The following PRKG1 variants were observed in gnomAD, a reference collection of about 807,000 sequenced individuals.
PRKG1 encodes the protein protein kinase cGMP-dependent 1.
PRKG1 carries 35 observed loss-of-function variants against 88.1 expected under a neutral mutation model. The ratio of observed to expected loss-of-function variants is 0.40; its 90% CI spans 0.30 to 0.53. The LOEUF (loss-of-function observed/expected upper bound fraction) is 0.53, where lower values mean the gene tolerates loss of function less well. Ranked by LOEUF, PRKG1 falls within the 20% of genes least tolerant of loss-of-function variation. PRKG1 has a pLI of 0.59. For missense variants in PRKG1, 540 were observed against 839.8 expected (o/e 0.64, Z 4.41); for synonymous variants, 303 against 292.5 (o/e 1.04, Z -0.37).
chr10:51,118,293 A>C (rs144213033), intron 1 of PRKG1, among the ~76,000 whole-genome samples: 140 of 152,336 alleles, frequency 9.2e-4, no homozygotes, highest in African/African-American at 3.2e-3. Flanking sequence ...CTTCCTGTGC[A>C]AAAGCAGATT....
intron 1 of PRKG1, among the ~76,000 whole-genome samples, chr10:51,086,125 A>G (rs1417782103): frequency 2.0e-5 from 3 of 152,236 alleles, no homozygotes; most frequent in Non-Finnish European, 2.9e-5. Flanking sequence ...TGTAGCACTG[A>G]ATGGCATACA....
chr10:52,001,960 A>T (rs563025892), intron 5 of PRKG1, among the ~76,000 whole-genome samples: 35 of 152,176 alleles, frequency 2.3e-4, no homozygotes, highest in Middle Eastern at 3.4e-3. Flanking sequence ...TTGGTATGGA[A>T]AAAAGAACAG....
At chr10:51,513,049 T>C (rs1242122624) in intron 3 of PRKG1, among the ~76,000 whole-genome samples, 1 of 151,454 alleles carries the variant, frequency 6.6e-6, no homozygotes, top group African/African-American at 2.4e-5. Context: ...GTTGTTTGTT[T>C]TTTTCTTGTA....
intron 3 of PRKG1, among the ~76,000 whole-genome samples, chr10:51,687,118 A>G (rs1841015171): frequency 6.6e-6 from 1 of 152,244 alleles, no homozygotes; most frequent in Non-Finnish European, 1.5e-5. Flanking sequence ...AAATGTTTTG[A>G]GTTCACTCAT....
At chr10:51,897,996 A>T (rs894775888) in intron 4 of PRKG1, among the ~76,000 whole-genome samples, 1 of 151,548 alleles carries the variant, frequency 6.6e-6, no homozygotes, top group Non-Finnish European at 1.5e-5. Context: ...ACCTGACCCC[A>T]CCCTTACCTC....
intron 9 of PRKG1, among the ~76,000 whole-genome samples, chr10:52,234,268 C>T (rs1840616000): frequency 6.6e-6 from 1 of 152,202 alleles, no homozygotes; most frequent in South Asian, 2.1e-4. Context: ...CTCTCCTCCT[C>T]CAAAGGAACG....
chr10:52,176,480 C>T (rs1290324747), intron 9 of PRKG1, among the ~76,000 whole-genome samples: 2 of 151,892 alleles, frequency 1.3e-5, no homozygotes, highest in African/African-American at 2.4e-5. Flanking sequence ...CCACCCACCA[C>T]CAGGATTGCT....
At chr10:51,658,693 G>T (rs1840221822) in intron 3 of PRKG1, among the ~76,000 whole-genome samples, 1 of 151,970 alleles carries the variant, frequency 6.6e-6, no homozygotes, top group Non-Finnish European at 1.5e-5. Flanking sequence ...CCCCAAAACT[G>T]GCTACAGCTT....
intron 2 of PRKG1, among the ~76,000 whole-genome samples, chr10:51,235,345 C>A (rs1375739424): frequency 1.3e-5 from 2 of 152,168 alleles, no homozygotes; most frequent in Non-Finnish European, 2.9e-5. Context: ...ATTTATAGAG[C>A]CCCGTTAGGT....
intron 5 of PRKG1, among the ~76,000 whole-genome samples, chr10:52,009,406 G>A (rs989873755): frequency 6.6e-6 from 1 of 152,028 alleles, no homozygotes; most frequent in African/African-American, 2.4e-5. Flanking sequence ...CAAATTAGGA[G>A]TGAAATTCCA....
At chr10:51,623,894 C>G (rs898763674) in intron 3 of PRKG1, among the ~76,000 whole-genome samples, 5 of 152,108 alleles carry the variant, frequency 3.3e-5, no homozygotes, top group African/African-American at 1.2e-4. Context: ...GCAGCACAGG[C>G]ATTACCGTGT....
intron 9 of PRKG1, among the ~76,000 whole-genome samples, chr10:52,215,503 G>GCTTT (rs1840089109): frequency 6.6e-6 from 1 of 151,894 alleles, no homozygotes; most frequent in Non-Finnish European, 1.5e-5. Context: ...GAAAATAAAA[G>GCTTT]TATTTTCTTT....
chr10:51,440,814 G>A (rs1019363396), intron 2 of PRKG1, among the ~76,000 whole-genome samples: 3 of 151,886 alleles, frequency 2.0e-5, no homozygotes, highest in African/African-American at 7.2e-5. Context: ...GAAAGGTAGA[G>A]GGTGCTTAAA....
chr10:51,480,554 G>C (rs1840323420), intron 3 of PRKG1, among the ~76,000 whole-genome samples: 1 of 146,738 alleles, frequency 6.8e-6, no homozygotes, highest in Non-Finnish European at 1.5e-5. Context: ...TCACTTCCTT[G>C]GCACCTAAAA....
At chr10:51,098,589 C>T (rs10822210) in intron 1 of PRKG1, among the ~76,000 whole-genome samples, 33,577 of 152,048 alleles carry the variant, frequency 0.22, 3,845 homozygotes, top group Admixed American at 0.27. Context: ...AGCAATGATG[C>T]TTTGGTAAAA....
intron 7 of PRKG1, among the ~76,000 whole-genome samples, chr10:52,081,145 G>A (rs2133304442): frequency 6.6e-6 from 1 of 152,264 alleles, no homozygotes; most frequent in South Asian, 2.1e-4. Flanking sequence ...AATGTGTGAT[G>A]TTTACCTTGA....
Position 51,888,088 on chromosome 10 carries a change from G to A in PRKG1, c.699-19419G>A, listed in dbSNP as rs148719229. 6.6e-3 allele frequency among the ~76,000 whole-genome samples: 996 copies of A among 151,504 alleles called. 6 individuals carry two copies. The highest frequency in any genetic ancestry group is 0.011 in the Admixed American group (161 of 15,258). On this transcript the variant is annotated intron_variant, in intron 4 of 17. Coordinates refer to ENST00000373980, the MANE Select transcript of PRKG1 (RefSeq NM_006258.4). Reference sequence around the variant, plus strand: ...AAAGAACACAAATAAATTATTGGAGGTGACTATATACTTAGTACCTTGGTT... The same window carrying A: ...AAAGAACACAAATAAATTATTGGAGATGACTATATACTTAGTACCTTGGTT...
At chr10:51,047,936 C>A (rs1843512233) in intron 1 of PRKG1, among the ~76,000 whole-genome samples, 1 of 152,146 alleles carries the variant, frequency 6.6e-6, no homozygotes, top group Non-Finnish European at 1.5e-5. Flanking sequence ...TCTGCGGTTC[C>A]TGTAGTCATG....
intron 5 of PRKG1, among the ~76,000 whole-genome samples, chr10:51,979,189 A>G (rs1305076236): frequency 2.6e-5 from 4 of 152,028 alleles, no homozygotes; most frequent in African/African-American, 7.2e-5. Flanking sequence ...AATTTTATCC[A>G]AAGGCTTTTC....
Sources: gnomAD v4.1 joint callset for allele counts (sites outside exome capture counted in the v4.1 genomes callset) on GRCh38, gnomAD v4.1.1 for gene constraint, MANE v1.5 for transcripts, NCBI Gene and HGNC (gene_info 2026-07-23, HGNC 2026-07-21) for gene names.